The following MTRES1 variants were observed in gnomAD, a reference collection of about 807,000 sequenced individuals.
MTRES1 encodes mitochondrial transcription rescue factor 1, also known as uncharacterized protein C6orf203.
MTRES1 carries 11 observed loss-of-function variants against 17.4 expected under a neutral mutation model. That is an observed-to-expected ratio of 0.63 (90% CI 0.40 to 1.05). The LOEUF (loss-of-function observed/expected upper bound fraction) is 1.05, where lower values mean the gene tolerates loss of function less well. Ranked by LOEUF, MTRES1 falls within the 50% of genes least tolerant of loss-of-function variation. The pLI, the probability that MTRES1 is intolerant of heterozygous loss-of-function variation, is 0.00. For synonymous variants in MTRES1, 94 were observed against 99.6 expected (o/e 0.94, Z 0.34); for missense variants, 268 against 276.2 (o/e 0.97, Z 0.21).
rs181799288 is a variant in MTRES1, at chr6:107,032,176, G to A, written c.-13+3905G>A. ...GGAGGAGTGGAGGCAAGAGGTTTGT[G>A]TAATTGCTTGCTTTTGAATGAGACA... On this transcript the variant is annotated intron_variant, in intron 1 of 3. Coordinates refer to ENST00000311381, the MANE Select transcript of MTRES1 (RefSeq NM_016487.5). 5.3e-5 allele frequency among the ~76,000 whole-genome samples: 8 copies of A among 152,250 alleles called. No homozygotes were observed. The East Asian group carries it at 1.5e-3, about 29-fold the overall frequency.
At position 107,040,077 on chromosome 6, in the gene MTRES1, C is replaced by A; in HGVS notation, c.317C>A (p.Ser106Tyr). The A allele has an allele frequency of 6.2e-7, 1 of 1,613,698 alleles. No individual in the cohort carries two copies. The highest frequency in any genetic ancestry group is 8.5e-7 in the Non-Finnish European group (1 of 1,179,994). The change falls in exon 2 of 4, where the codon TCT becomes TAT. Residue 106 changes from serine to tyrosine, a missense_variant. Transcript: ENST00000311381. Reference protein sequence around the residue: ...KSLQKVDEEDSDEESHHDEMS... With the variant: ...KSLQKVDEEDYDEESHHDEMS... Reference sequence around the variant, plus strand: ...CTGCAAAAAGTAGATGAAGAGGACTCTGATGAAGAAAGCCATCATGATGAG... The same window carrying A: ...CTGCAAAAAGTAGATGAAGAGGACTATGATGAAGAAAGCCATCATGATGAG...
chr6:107,048,288 T>C (rs567762484), intron 3 of MTRES1, among the ~76,000 whole-genome samples: 1 of 151,714 alleles, frequency 6.6e-6, no homozygotes, highest in Non-Finnish European at 1.5e-5. Flanking sequence ...GCACCTACCA[T>C]CACGTTCTGA....
chr6:107,044,077 G>A (rs1304315047), intron 2 of MTRES1, among the ~76,000 whole-genome samples, 183 bp from the exon 3 acceptor site: 1 of 152,146 alleles, frequency 6.6e-6, no homozygotes, highest in Non-Finnish European at 1.5e-5. Flanking sequence ...AGCCGAGATG[G>A]CGCCACTGCA....
At chr6:107,049,381 T>G (rs768103265) in intron 3 of MTRES1, among the ~76,000 whole-genome samples, 11 of 151,014 alleles carry the variant, frequency 7.3e-5, no homozygotes, top group Non-Finnish European at 1.6e-4. Context: ...AGCAGCAGCA[T>G]GTGGCTCCTG....
At chr6:107,043,373 C>T (rs1485239631) in intron 2 of MTRES1, among the ~76,000 whole-genome samples, 3 of 151,684 alleles carry the variant, frequency 2.0e-5, no homozygotes, top group Non-Finnish European at 4.4e-5. Flanking sequence ...TTATCTCAAA[C>T]TTGTATACAG....
chr6:107,040,081 T>G lies in MTRES1; in HGVS notation c.321T>G (p.Asp107Glu). The G allele has an allele frequency of 1.9e-6, 3 of 1,613,860 alleles. No individual in the cohort carries two copies. The highest frequency in any genetic ancestry group is 2.5e-6 in the Non-Finnish European group (3 of 1,180,010). The change falls in exon 2 of 4, where the codon GAT becomes GAG. Residue 107 changes from aspartate (D) to glutamate (E), a missense_variant. Coordinates refer to ENST00000311381, the MANE Select transcript of MTRES1 (RefSeq NM_016487.5). ...SLQKVDEEDS[D>E]EESHHDEMSE... ...AAAAAGTAGATGAAGAGGACTCTGA[T>G]GAAGAAAGCCATCATGATGAGATGA...
intron 3 of MTRES1, among the ~76,000 whole-genome samples, chr6:107,050,506 C>T (rs1393784271): frequency 6.8e-6 from 1 of 146,002 alleles, no homozygotes; most frequent in Non-Finnish European, 1.5e-5. Flanking sequence ...GAAGGAAGGA[C>T]ACTGGCTGAT....
chr6:107,040,345 T>C (rs939264988), intron 2 of MTRES1, 115 bp downstream of exon 2: 1 of 887,206 alleles, frequency 1.1e-6, no homozygotes, highest in South Asian at 2.3e-5. Context: ...AAAAGGACCT[T>C]TGTAGGTAAC....
chr6:107,033,851 C>G (rs562816668), intron 1 of MTRES1, among the ~76,000 whole-genome samples: 1 of 152,096 alleles, frequency 6.6e-6, no homozygotes, highest in Non-Finnish European at 1.5e-5. Context: ...AGTTCTGAGG[C>G]AGAATCTGGG....
intron 1 of MTRES1, chr6:107,029,910 T>G (rs1773777358): frequency 1.6e-6 from 1 of 607,434 alleles, no homozygotes; most frequent in Non-Finnish European, 2.9e-6. Context: ...TGACCTCATC[T>G]TGCCCTCTCA....
At chr6:107,030,028 A>G in intron 1 of MTRES1, 1 of 715,672 alleles carries the variant, frequency 1.4e-6, no homozygotes, top group Non-Finnish European at 2.6e-6. Flanking sequence ...CTACTAGACT[A>G]TAAACTCTAC....
intron 1 of MTRES1, among the ~76,000 whole-genome samples, chr6:107,029,626 G>T (rs1394879684): frequency 6.6e-6 from 1 of 152,060 alleles, no homozygotes; most frequent in Non-Finnish European, 1.5e-5. Flanking sequence ...TGTGACTACA[G>T]GTGTGCACCA....
intron 1 of MTRES1, among the ~76,000 whole-genome samples, chr6:107,037,200 C>G (rs1361642829): frequency 6.6e-6 from 1 of 152,152 alleles, no homozygotes; most frequent in Non-Finnish European, 1.5e-5. Flanking sequence ...CAACCTCTGC[C>G]TCCCAGGTTC....
intron 2 of MTRES1, among the ~76,000 whole-genome samples, chr6:107,041,279 A>G (rs1047706077): frequency 8.6e-5 from 13 of 151,804 alleles, no homozygotes; most frequent in Admixed American, 5.9e-4. Flanking sequence ...TGGGGTTTCA[A>G]TCCTGGTTCT....
intron 1 of MTRES1, chr6:107,028,952 G>T (rs960862748): frequency 2.5e-6 from 2 of 801,080 alleles, no homozygotes; most frequent in Admixed American, 6.2e-5. Flanking sequence ...ATCATTGCGT[G>T]TTCTTTTCCT....
chr6:107,044,242 C>A lies in MTRES1; in HGVS notation c.471-18C>A, dbSNP rs1562283709. ...ATCACCCAAATTGTGTACATTGTTG[C>A]TTTTTTTTGTTTTGTAGCAAAGTGG... is the stretch of plus-strand genomic sequence containing the variant. On this transcript the variant is annotated intron_variant, in intron 2 of 3. Transcript: ENST00000311381. The A allele has an allele frequency of 6.3e-7, 1 of 1,592,820 alleles. No individual in the cohort carries two copies.
In MTRES1 at chr6:107,051,325, C is replaced by A; in HGVS notation, c.*89C>A. 5 of 1,192,748 alleles carry A rather than the reference C, an allele frequency of 4.2e-6. No homozygotes were observed. Among genetic ancestry groups the A allele is most frequent in the Admixed American group, 2.4e-5 (1 of 41,158 alleles). 73.9% of individuals were successfully genotyped at this position (1,192,748 alleles called of 1,614,324 possible). On this transcript the variant is annotated 3_prime_UTR_variant, in exon 4 of 4. Coordinates refer to ENST00000311381, the MANE Select transcript of MTRES1 (RefSeq NM_016487.5). ...AGGACATTTTTATTAAAATAAAGTT[C>A]TCTTAGCGTTTGTGGAATCTGCCGA...
intron 2 of MTRES1, among the ~76,000 whole-genome samples, chr6:107,041,338 A>G (rs1774208056): frequency 6.8e-6 from 1 of 146,468 alleles, no homozygotes; most frequent in Non-Finnish European, 1.5e-5. Flanking sequence ...CAGTTTTCTC[A>G]TCTGTAAAAT....
chr6:107,036,873 C>A (rs1774029425), intron 1 of MTRES1, among the ~76,000 whole-genome samples: 1 of 149,238 alleles, frequency 6.7e-6, no homozygotes, highest in South Asian at 2.1e-4. Context: ...AAAAGTGGTT[C>A]AATTCTGAGA....
Sources: allele counts gnomAD v4.1 joint callset (sites outside exome capture counted in the v4.1 genomes callset), GRCh38; gene constraint gnomAD v4.1.1; transcripts MANE v1.5; gene names NCBI Gene and HGNC (gene_info 2026-07-23, HGNC 2026-07-21).